The following RCAN2 variants were observed in gnomAD, a reference collection of about 807,000 sequenced individuals.
The protein encoded by RCAN2 is calcipressin-2.
RCAN2 carries 9 observed loss-of-function variants against 23.6 expected under a neutral mutation model. The observed-to-expected ratio is 0.38, with a 90% CI of 0.23 to 0.67. RCAN2 has a LOEUF of 0.67. RCAN2 is among the 30% of genes least tolerant of loss of function. The pLI, the probability that RCAN2 is intolerant of heterozygous loss-of-function variation, is 0.51. For synonymous variants in RCAN2, 109 were observed against 115.7 expected (o/e 0.94, Z 0.37); for missense variants, 273 against 302.3 (o/e 0.90, Z 0.72).
At chr6:46,482,525 A>G (rs558278752) in intron 1 of RCAN2, among the ~76,000 whole-genome samples, 2 of 152,322 alleles carry the variant, frequency 1.3e-5, no homozygotes, top group African/African-American at 4.8e-5. Context: ...AGATAAATGG[A>G]AATGGGTCCC....
chr6:46,263,545 G>A (rs199604726), intron 2 of RCAN2, among the ~76,000 whole-genome samples: 2,356 of 62,494 alleles, frequency 0.038, 60 homozygotes, highest in Middle Eastern at 0.11. Context: ...GTGTATGTGT[G>A]TGTGTGTGTG....
intron 2 of RCAN2, among the ~76,000 whole-genome samples, chr6:46,284,731 T>C (rs9296484): frequency 0.76 from 115,000 of 152,160 alleles, 44,114 homozygotes; most frequent in Non-Finnish European, 0.83. Flanking sequence ...GCCTATATCA[T>C]TTCAGGGCCA....
At chr6:46,257,742 C>A (rs754105987) in intron 2 of RCAN2, among the ~76,000 whole-genome samples, 7 of 152,068 alleles carry the variant, frequency 4.6e-5, no homozygotes, top group Non-Finnish European at 8.8e-5. Context: ...GGACGAGGAG[C>A]CAAACCATAT....
At chr6:46,331,177 T>C (rs1440398909) in intron 2 of RCAN2, among the ~76,000 whole-genome samples, 3 of 152,248 alleles carry the variant, frequency 2.0e-5, no homozygotes, top group Non-Finnish European at 2.9e-5. Flanking sequence ...TATTTGCTTC[T>C]TTTCCTTTAT....
intron 2 of RCAN2, among the ~76,000 whole-genome samples, chr6:46,450,396 A>C (rs1375438770): frequency 6.6e-6 from 1 of 152,116 alleles, no homozygotes; most frequent in Non-Finnish European, 1.5e-5. Flanking sequence ...GTTTCCTCCA[A>C]AAACTAAAAA....
chr6:46,479,612 G>A (rs1381967705), intron 1 of RCAN2, among the ~76,000 whole-genome samples: 53 of 127,420 alleles, frequency 4.2e-4, no homozygotes, highest in Admixed American at 4.3e-4. Context: ...TTTTGAGATA[G>A]AGTCTCACTC....
In RCAN2 at chr6:46,335,789, C is replaced by G. The variant is rs1258053872; in HGVS notation, c.226-86893G>C. Among the ~76,000 whole-genome samples the G allele has an allele frequency of 2.0e-5, 3 of 152,110 alleles. No homozygotes were observed. In the East Asian group the frequency reaches 5.8e-4, roughly 29 times the overall value. On this transcript the variant is annotated intron_variant, in intron 2 of 4. Transcript: ENST00000371374. ...ATCTGCATTTTGGTGTGATACCTACCTCTGTTTAGAATGTCATATTTATTA... is the reference window on the plus strand; with the variant it reads ...ATCTGCATTTTGGTGTGATACCTACGTCTGTTTAGAATGTCATATTTATTA...
intron 2 of RCAN2, among the ~76,000 whole-genome samples, chr6:46,289,242 TC>T (rs150817966): frequency 0.03 from 4,629 of 152,134 alleles, 210 homozygotes; most frequent in African/African-American, 0.1. Flanking sequence ...CACTATTTTT[TC>T]CCCCCAGGCC....
At chr6:46,435,935 T>C (rs1561904838) in intron 2 of RCAN2, among the ~76,000 whole-genome samples, 2 of 152,152 alleles carry the variant, frequency 1.3e-5, no homozygotes, top group Non-Finnish European at 2.9e-5. Flanking sequence ...ACTGGAGAAA[T>C]GAAGACAAAA....
In RCAN2 at chr6:46,222,226, A is replaced by G; in HGVS notation, c.*915T>C. On this transcript the variant is annotated 3_prime_UTR_variant, in exon 5 of 5. Transcript: ENST00000371374. The stretch of plus-strand genomic sequence containing the variant: ...AAGGCATTCATAAGCAATGCACATT[A>G]TGTTTTGAAGCAGCTAATTGTCGAA... 1 of 375,626 alleles carries G rather than the reference A, an allele frequency of 2.7e-6. No homozygotes were observed. 23.3% of individuals were successfully genotyped at this position (375,626 alleles called of 1,614,324 possible).
intron 2 of RCAN2, among the ~76,000 whole-genome samples, chr6:46,333,107 C>G (rs939302548): frequency 2.6e-5 from 4 of 151,992 alleles, no homozygotes; most frequent in Non-Finnish European, 5.9e-5. Context: ...TAAATGTCTT[C>G]TTTTGAGAAG....
chr6:46,270,737 TC>T (rs1325177714), intron 2 of RCAN2, among the ~76,000 whole-genome samples: 1 of 152,194 alleles, frequency 6.6e-6, no homozygotes, highest in African/African-American at 2.4e-5. Context: ...AATGGCCTCT[TC>T]TGATGAAGCA....
At chr6:46,353,962 C>T (rs1764745199) in intron 2 of RCAN2, among the ~76,000 whole-genome samples, 1 of 152,052 alleles carries the variant, frequency 6.6e-6, no homozygotes, top group African/African-American at 2.4e-5. Context: ...GACTTTAATT[C>T]TGGGAGTCAT....
chr6:46,452,716 G>T (rs969418951), intron 2 of RCAN2, among the ~76,000 whole-genome samples: 1 of 152,160 alleles, frequency 6.6e-6, no homozygotes, highest in African/African-American at 2.4e-5. Context: ...AAGGACTCAT[G>T]TTTATAAAGC....
chr6:46,276,234 A>AAAACAAAAC (rs1767697215), intron 2 of RCAN2, among the ~76,000 whole-genome samples: 1 of 43,452 alleles, frequency 2.3e-5, no homozygotes, highest in African/African-American at 7.8e-5. Flanking sequence ...CAAAACAAAA[A>AAAACAAAAC]CCAACTATGC....
chr6:46,465,669 C>T (rs923133273), intron 1 of RCAN2, among the ~76,000 whole-genome samples: 20 of 152,206 alleles, frequency 1.3e-4, no homozygotes, highest in Non-Finnish European at 2.5e-4. Context: ...TTATCTTTCT[C>T]TGATCTCCTG....
chr6:46,292,423 G>GTTTTTTTTTTTTTTTTTTTTTTT (rs869232910), intron 2 of RCAN2, among the ~76,000 whole-genome samples: 9 of 107,568 alleles, frequency 8.4e-5, no homozygotes, highest in African/African-American at 3.2e-4. Flanking sequence ...GAGTTGATTT[G>GTTTTTTTTTTTTTTTTTTTTTTT]TTGTTTTTTT....
At chr6:46,336,630 G>A (rs116413453) in intron 2 of RCAN2, among the ~76,000 whole-genome samples, 111 of 152,308 alleles carry the variant, frequency 7.3e-4, no homozygotes, top group African/African-American at 2.5e-3. Flanking sequence ...GGTCATGGCC[G>A]CATAGCTGAG....
At chr6:46,279,624 C>T (rs899946109) in intron 2 of RCAN2, among the ~76,000 whole-genome samples, 3 of 152,200 alleles carry the variant, frequency 2.0e-5, no homozygotes, top group Non-Finnish European at 4.4e-5. Context: ...ATTCTTCACA[C>T]CCATCTCCAT....
Sources: gnomAD v4.1 joint callset for allele counts (sites outside exome capture counted in the v4.1 genomes callset) on GRCh38, gnomAD v4.1.1 for gene constraint, MANE v1.5 for transcripts, NCBI Gene and HGNC (gene_info 2026-07-23, HGNC 2026-07-21) for gene names.